ATXN2L: variants seen among roughly 807,000 people sequenced by gnomAD.
ATXN2L encodes the protein ataxin 2 like, also known as ataxin-2-like protein.
ATXN2L carries 24 observed loss-of-function variants against 120.7 expected under a neutral mutation model. The ratio of observed to expected loss-of-function variants is 0.20; its 90% CI spans 0.14 to 0.28. The LOEUF is 0.28. Ranked by LOEUF, ATXN2L falls within the 10% of genes least tolerant of loss-of-function variation. The probability of loss-of-function intolerance (pLI) is 1.00; values close to 1 mark genes in which losing one functional copy is unlikely to be tolerated. For synonymous variants in ATXN2L, 653 were observed against 568.1 expected (o/e 1.15, Z -2.13); for missense variants, 1,312 against 1,432.3 (o/e 0.92, Z 1.36).
chr16:28,830,086 T>C (rs770566961), intron 8 of ATXN2L, 28 bp downstream of exon 8: 8 of 1,589,108 alleles, frequency 5.0e-6, no homozygotes, highest in African/African-American at 2.7e-5. Context: ...CCAGGACTAC[T>C]TGGGGCTTCT....
At position 28,834,492 on chromosome 16, in the gene ATXN2L, T is replaced by G. The variant is rs1014021897; in HGVS notation, c.2246-14T>G. ...AGGTGGAGCTTGAGCTCTCCTCTCC[T>G]CCTCCTCTTCCAGGCTCCCTTCCTC... is the stretch of plus-strand genomic sequence containing the variant. On this transcript the variant is annotated splice_polypyrimidine_tract_variant and intron_variant, in intron 17 of 21. Transcript: ENST00000336783. The G allele has an allele frequency of 6.2e-7, 1 of 1,612,508 alleles. No homozygotes were observed. The highest frequency in any genetic ancestry group is 2.2e-5 in the East Asian group (1 of 44,878).
intron 18 of ATXN2L, 134 bp from the exon 19 acceptor site, chr16:28,834,924 T>G (rs1596572743): frequency 7.8e-7 from 1 of 1,278,212 alleles, no homozygotes; most frequent in East Asian, 2.4e-5. Context: ...GTCTGCTGGG[T>G]GGGATCGTTA....
intron 10 of ATXN2L, 45 bp from the exon 11 acceptor site, chr16:28,832,160 T>C (rs765085324): frequency 3.7e-6 from 6 of 1,605,648 alleles, no homozygotes; most frequent in Non-Finnish European, 5.1e-6. Context: ...TACTCACTGC[T>C]GTTGACCAGC....
In ATXN2L at chr16:28,836,133, T is replaced by C; in HGVS notation, c.3096T>C (p.Pro1032=). Reference sequence around the variant, plus strand: ...TCGGACACCCCCAAGGTGAGCAGCCTGGCCAGGCGCCTGGATTTCCAGGAG... The same window carrying C: ...TCGGACACCCCCAAGGTGAGCAGCCCGGCCAGGCGCCTGGATTTCCAGGAG... ...PYIGHPQGEQ[P]GQAPGFPGGA... Residue 1032 remains proline (P), a synonymous_variant, in exon 22 of 22, where the codon CCT becomes CCC. Transcript: ENST00000336783. 6.2e-7 allele frequency: 1 copy of C among 1,614,076 alleles called. No individual in the cohort carries two copies.
intron 8 of ATXN2L, 141 bp from the exon 9 acceptor site, chr16:28,830,474 C>A (rs2053963219): frequency 1.2e-6 from 1 of 814,826 alleles, no homozygotes; most frequent in African/African-American, 1.7e-5. Context: ...TAGGGCAGAT[C>A]TTCAAGTGGG....
rs1356639454 is a variant in ATXN2L at position 28,834,249 on chromosome 16, G to T, written c.2172+38G>T. ...ACTGGCCGGGCCCAGGGTTAGCGGG[G>T]TGGGATTTGGTTGCGCTGGTTGAGG... On this transcript the variant is annotated intron_variant, in intron 16 of 21. Transcript: ENST00000336783. 5.0e-6 allele frequency: 8 copies of T among 1,610,622 alleles called. No individual in the cohort carries two copies. In the South Asian group the frequency reaches 8.8e-5, roughly 18 times the overall value.
chr16:28,825,954 G>T, intron 4 of ATXN2L, 113 bp downstream of exon 4: 1 of 1,089,786 alleles, frequency 9.2e-7, no homozygotes. Context: ...AGTTGTTTCT[G>T]TAGGCCTGTG....
rs2050181288 is a variant in ATXN2L at position 28,823,041 on chromosome 16, T to C, written c.-219T>C. 2 of 256,322 alleles carry C rather than the reference T, an allele frequency of 7.8e-6. No homozygotes were observed. Among genetic ancestry groups the C allele is most frequent in the Non-Finnish European group, 7.3e-6 (1 of 137,778 alleles). The allele number at this position is 256,322 out of a possible 1,614,324, so 15.9% of individuals were successfully genotyped here. On this transcript the variant is annotated 5_prime_UTR_variant, in exon 1 of 22. Transcript: ENST00000336783. ...CCAGCCCGGCTCGCGCCCTCTCGCT[T>C]TCCTCCAGCCGCGAGACCCCCTCCC...
chr16:28,826,425 G>A (rs941686940), intron 5 of ATXN2L, 35 bp downstream of exon 5: 1 of 1,606,186 alleles, frequency 6.2e-7, no homozygotes, highest in South Asian at 1.1e-5. Flanking sequence ...GACCTGCTCT[G>A]TGTGCATAGA....
chr16:28,830,792 T>G lies in ATXN2L; in HGVS notation c.1210+2T>G. Reference sequence around the variant, plus strand: ...CTGAGGCCCGTGGTATCAATGGAGGTGAGTTATGAGGTGACTTTGAGGAAG... The same window carrying G: ...CTGAGGCCCGTGGTATCAATGGAGGGGAGTTATGAGGTGACTTTGAGGAAG... On this transcript the variant is annotated splice_donor_variant, in intron 9 of 21. Coordinates refer to ENST00000336783, the MANE Select transcript of ATXN2L (RefSeq NM_007245.4). LOFTEE classifies it high-confidence loss of function. 6.3e-7 allele frequency: 1 copy of G among 1,591,026 alleles called. No individual in the cohort carries two copies. The highest frequency in any genetic ancestry group is 1.4e-5 in the African/African-American group (1 of 72,782).
In ATXN2L at chr16:28,835,772, T is replaced by G; in HGVS notation, c.2895+14T>G. On this transcript the variant is annotated intron_variant, in intron 21 of 21. Transcript: ENST00000336783. ...CATGTTACCCAGGTAAGAGCCCAGC[T>G]GTCCCACTTCTGGGTCTGTTTGCCA... 6.2e-7 allele frequency: 1 copy of G among 1,613,896 alleles called. No individual in the cohort carries two copies. Among genetic ancestry groups the G allele is most frequent in the Non-Finnish European group, 8.5e-7 (1 of 1,179,770 alleles).
In ATXN2L at chr16:28,828,590, C is replaced by CA. The variant is rs199840308; in HGVS notation, c.742-795dup. ...CAACAAGAGTGAAACTCTTTGTCTCCAAAAAAAAAAAAAAAATTGCAGTTA... is the reference window on the plus strand; with the variant it reads ...CAACAAGAGTGAAACTCTTTGTCTCCAAAAAAAAAAAAAAAAATTGCAGTTA... On this transcript the variant is annotated intron_variant, in intron 6 of 21. Transcript: ENST00000336783. 2.9e-3 allele frequency among the ~76,000 whole-genome samples: 359 copies of CA among 123,562 alleles called. 1 individual carries two copies. Among genetic ancestry groups the CA allele is most frequent in the South Asian group, 4.1e-3 (16 of 3,866 alleles). 81.1% of individuals were successfully genotyped at this position (123,562 alleles called of 152,430 possible).
rs1333609174 is a variant in ATXN2L at position 28,825,227 on chromosome 16, G to GA, written c.300-134dup. 13 of 865,038 alleles carry GA rather than the reference G, an allele frequency of 1.5e-5. No individual in the cohort carries two copies. In the African/African-American group the frequency reaches 2.0e-4, roughly 13 times the overall value. The allele number at this position is 865,038 out of a possible 1,614,324, so 53.6% of individuals were successfully genotyped here. ...GGGAGACCCTGTCTCAAAAAAAATAGAAAAATCTTACTGATTAACAATTTT... is the reference window on the plus strand; with the variant it reads ...GGGAGACCCTGTCTCAAAAAAAATAGAAAAAATCTTACTGATTAACAATTTT... On this transcript the variant is annotated intron_variant, in intron 1 of 21. Transcript: ENST00000336783.
At chr16:28,833,403 G>A in intron 14 of ATXN2L, 36 bp from the exon 15 acceptor site, 1 of 1,614,062 alleles carries the variant, frequency 6.2e-7, no homozygotes, top group Non-Finnish European at 8.5e-7. Flanking sequence ...AGGGATGAGA[G>A]CAAGCCGTGA....
chr16:28,827,776 G>A (rs1300551488), intron 6 of ATXN2L, among the ~76,000 whole-genome samples: 5 of 152,078 alleles, frequency 3.3e-5, no homozygotes, highest in Admixed American at 2.0e-4. Context: ...AGAGCTGAGC[G>A]TGGTGGTCCC....
At chr16:28,828,797 G>A in intron 6 of ATXN2L, among the ~76,000 whole-genome samples, 1 of 151,954 alleles carries the variant, frequency 6.6e-6, no homozygotes, top group Non-Finnish European at 1.5e-5. Flanking sequence ...CACTCAGGCT[G>A]GAGGCTGGAG....
At chr16:28,832,158 G>A (rs368709610) in intron 10 of ATXN2L, 47 bp from the exon 11 acceptor site, 3 of 1,602,850 alleles carry the variant, frequency 1.9e-6, no homozygotes, top group African/African-American at 1.3e-5. Context: ...TGTACTCACT[G>A]CTGTTGACCA....
At position 28,823,192 on chromosome 16, in the gene ATXN2L, G is replaced by T; in HGVS notation, c.-68G>T. On this transcript the variant is annotated 5_prime_UTR_variant, in exon 1 of 22. Transcript: ENST00000336783. ...TCCCCCTCGCTTCCCGCGCTCTCCA[G>T]CGGGGCCCCAGCCCCGGCCCCCTCT... The T allele has an allele frequency of 8.9e-7, 1 of 1,119,266 alleles. No homozygotes were observed. The allele number at this position is 1,119,266 out of a possible 1,614,324, so 69.3% of individuals were successfully genotyped here.
chr16:28,823,438 G>A lies in ATXN2L; in HGVS notation c.179G>A (p.Gly60Glu), dbSNP rs756794380. ...CCAGCGGCCGCCTCCCCCTGCCTGG[G>A]GCCTGTGGCCGCTGCCGGGAGCGGG... ...GPPAAASPCL[G>E]PVAAAGSGLR... is the part of the protein sequence containing the mutation. Residue 60 changes from glycine to glutamate, a missense_variant, in exon 1 of 22, where the codon GGG becomes GAG. Physicochemically the swap from Gly to Glu is moderately conservative, Grantham distance 98 (BLOSUM62 -2). Coordinates refer to ENST00000336783, the MANE Select transcript of ATXN2L (RefSeq NM_007245.4). 1.5e-6 allele frequency: 2 copies of A among 1,321,464 alleles called. No individual in the cohort carries two copies. The highest frequency in any genetic ancestry group is 2.1e-5 in the South Asian group (1 of 47,816). 81.9% of individuals were successfully genotyped at this position (1,321,464 alleles called of 1,614,324 possible).
Sources: allele counts gnomAD v4.1 joint callset (sites outside exome capture counted in the v4.1 genomes callset), GRCh38; gene constraint gnomAD v4.1.1; transcripts MANE v1.5; gene names NCBI Gene and HGNC (gene_info 2026-07-23, HGNC 2026-07-21).